Variants in ROBO1 observed in about 807,000 individuals in gnomAD.
The protein encoded by ROBO1 is roundabout guidance receptor 1.
ROBO1 carries 149 observed loss-of-function variants against 195.9 expected under a neutral mutation model. That is an observed-to-expected ratio of 0.76 (90% CI 0.67 to 0.87). ROBO1 has a LOEUF of 0.87. Ranked by LOEUF, ROBO1 falls within the 40% of genes least tolerant of loss-of-function variation. The pLI is 0.00. For synonymous variants in ROBO1, 816 were observed against 733.2 expected, an observed-to-expected ratio of 1.11 and a Z score of -1.82; for missense variants, 1,933 against 2,068.3, an observed-to-expected ratio of 0.93 and a Z score of 1.27.
chr3:78,662,095 C>G lies in ROBO1; in HGVS notation c.1986G>C (p.Gln662His). Residue 662 changes from glutamine to histidine, a missense_variant, in exon 15 of 31, where the codon CAG (glutamine) becomes CAC (histidine). By Grantham distance (24) the Gln-to-His change is conservative (BLOSUM62 0). Around this residue, in one of 3 missense-constraint regions of ROBO1, gnomAD observed 1,737 missense variants for 1,882.5 expected, o/e 0.92. Transcript: ENST00000464233. ...TCTGGACCTGCTTGTGGTCCACCCC[C>G]TGACTTGTTGGTAGGACATCTACAA... ...VKTQDVLPTSQGVDHKQVQRE... is the reference protein window; with the variant it reads ...VKTQDVLPTSHGVDHKQVQRE... 6.4e-7 allele frequency: 1 copy of G among 1,565,722 alleles called. No individual in the cohort carries two copies.
chr3:79,679,949 T>A (rs1000176200), intron 1 of ROBO1, among the ~76,000 whole-genome samples: 2 of 151,948 alleles, frequency 1.3e-5, no homozygotes, highest in Non-Finnish European at 2.9e-5. Flanking sequence ...ACGTCACATG[T>A]CATGTTGGGA....
chr3:78,836,514 A>G (rs1038900941), intron 4 of ROBO1, among the ~76,000 whole-genome samples: 1 of 151,710 alleles, frequency 6.6e-6, no homozygotes, highest in African/African-American at 2.4e-5. Flanking sequence ...TCTGTCTCCA[A>G]AAAAAAAAAT....
intron 4 of ROBO1, among the ~76,000 whole-genome samples, chr3:78,815,443 A>C (rs1226866566): frequency 1.3e-5 from 2 of 152,176 alleles, no homozygotes; most frequent in Non-Finnish European, 1.5e-5. Context: ...CTAGTGATCT[A>C]CATAGAAAGT....
At chr3:79,687,696 T>C (rs1490040769) in intron 1 of ROBO1, among the ~76,000 whole-genome samples, 4 of 152,064 alleles carry the variant, frequency 2.6e-5, no homozygotes, top group South Asian at 4.2e-4. Context: ...GGTAGAATGG[T>C]GATCATTAAA....
At position 78,727,482 on chromosome 3, in the gene ROBO1, C is replaced by T. The variant is rs145163474; in HGVS notation, c.658-9599G>A. 1.0e-3 allele frequency among the ~76,000 whole-genome samples: 152 copies of T among 152,034 alleles called. 2 individuals carry two copies. In the East Asian group the frequency reaches 0.024, roughly 24 times the overall value. On this transcript the variant is annotated intron_variant, in intron 5 of 30. Transcript: ENST00000464233. ...TCCACTAAAAATACAAAAAATTATC[C>T]GGGCGTGGTGGCGGCACCTGTAGTC...
intron 3 of ROBO1, chr3:79,019,103 C>T (rs2078037868): frequency 5.1e-6 from 5 of 987,470 alleles, no homozygotes; most frequent in Non-Finnish European, 6.0e-6. Flanking sequence ...GTTCCCATCA[C>T]TTGGGGGATG....
chr3:79,383,945 C>T (rs1037568652), intron 2 of ROBO1, among the ~76,000 whole-genome samples: 5 of 151,872 alleles, frequency 3.3e-5, no homozygotes, highest in Non-Finnish European at 7.4e-5. Context: ...GTGCCATATG[C>T]CCTACTTAAT....
intron 2 of ROBO1, among the ~76,000 whole-genome samples, chr3:79,483,994 A>G (rs1939010699): frequency 6.6e-6 from 1 of 152,222 alleles, no homozygotes; most frequent in South Asian, 2.1e-4. Flanking sequence ...TTTAAGCATC[A>G]GGAGACCTAA....
intron 2 of ROBO1, among the ~76,000 whole-genome samples, chr3:79,374,578 A>G (rs1343466449): frequency 6.6e-6 from 1 of 152,142 alleles, no homozygotes; most frequent in Non-Finnish European, 1.5e-5. Flanking sequence ...TTGATAATAT[A>G]TTTGAACCAT....
chr3:79,766,706 C>T (rs907398606), intron 1 of ROBO1, among the ~76,000 whole-genome samples: 16 of 152,144 alleles, frequency 1.1e-4, no homozygotes, highest in Admixed American at 1.0e-3. Flanking sequence ...GCCGCGCGCG[C>T]AGCCGCACCC....
At chr3:79,558,959 A>C (rs1373067596) in intron 2 of ROBO1, among the ~76,000 whole-genome samples, 1 of 152,210 alleles carries the variant, frequency 6.6e-6, no homozygotes, top group Non-Finnish European at 1.5e-5. Flanking sequence ...AAACAGGAGG[A>C]ATTAGCTTGT....
intron 4 of ROBO1, among the ~76,000 whole-genome samples, chr3:78,919,470 C>CA (rs1219853727): frequency 6.6e-6 from 1 of 152,150 alleles, no homozygotes; most frequent in East Asian, 1.9e-4. Context: ...CTTGTCACTG[C>CA]AAGAAAATGG....
intron 10 of ROBO1, among the ~76,000 whole-genome samples, chr3:78,679,703 C>T (rs1216926026): frequency 5.3e-5 from 8 of 152,148 alleles, no homozygotes; most frequent in African/African-American, 9.7e-5. Flanking sequence ...AATGGAAGAA[C>T]GTTCCATGCT....
intron 2 of ROBO1, among the ~76,000 whole-genome samples, chr3:79,139,109 A>G (rs528691292): frequency 6.6e-6 from 1 of 151,684 alleles, no homozygotes; most frequent in South Asian, 2.1e-4. Context: ...AAGATACCTA[A>G]TATATATTTA....
In ROBO1 at chr3:79,209,830, A is replaced by G. The variant is rs572096727; in HGVS notation, c.89-84291T>C. 5.9e-5 allele frequency among the ~76,000 whole-genome samples: 9 copies of G among 152,294 alleles called. No homozygotes were observed. The South Asian group carries it at 1.9e-3, about 32-fold the overall frequency. On this transcript the variant is annotated intron_variant, in intron 2 of 30. Transcript: ENST00000464233. Reference sequence around the variant, plus strand: ...AAAAGCTCCTAGATCTGATAAATGAATTCAGTAAAGTTTCAGGATACAAAA... The same window carrying G: ...AAAAGCTCCTAGATCTGATAAATGAGTTCAGTAAAGTTTCAGGATACAAAA...
intron 4 of ROBO1, among the ~76,000 whole-genome samples, chr3:78,796,734 T>A (rs1431882994): frequency 6.6e-6 from 1 of 152,112 alleles, no homozygotes; most frequent in Non-Finnish European, 1.5e-5. Context: ...TTCCTTCCTT[T>A]CTCCTGACTG....
At chr3:79,304,363 A>G (rs1576949390) in intron 2 of ROBO1, among the ~76,000 whole-genome samples, 2 of 152,206 alleles carry the variant, frequency 1.3e-5, no homozygotes, top group African/African-American at 4.8e-5. Context: ...AAAAAATACT[A>G]TATTGAGGTA....
chr3:79,540,625 T>C (rs951382897), intron 2 of ROBO1, among the ~76,000 whole-genome samples: 2 of 152,142 alleles, frequency 1.3e-5, no homozygotes, highest in African/African-American at 4.8e-5. Flanking sequence ...CTGATATGCT[T>C]TTAACGTCTG....
chr3:79,635,966 T>C (rs1945484398), intron 1 of ROBO1, among the ~76,000 whole-genome samples: 1 of 152,174 alleles, frequency 6.6e-6, no homozygotes, highest in Non-Finnish European at 1.5e-5. Context: ...TTAGTTCCCA[T>C]ATATTTTTCT....
Sources: gnomAD v4.1 joint callset for allele counts (sites outside exome capture counted in the v4.1 genomes callset) on GRCh38, gnomAD v4.1.1 for gene constraint, gnomAD v4.1.1 regional missense constraint, MANE v1.5 for transcripts, NCBI Gene and HGNC (gene_info 2026-07-23, HGNC 2026-07-21) for gene names.